Variants in ZC3H14 observed in about 807,000 individuals in gnomAD.
The protein encoded by ZC3H14 is zinc finger CCCH-type containing 14, also known as zinc finger CCCH domain-containing protein 14.
A neutral mutation model predicts 92.4 loss-of-function variants in ZC3H14; 31 were observed. That is an observed-to-expected ratio of 0.34 (90% CI 0.25 to 0.45). The LOEUF (loss-of-function observed/expected upper bound fraction) is 0.45. Ranked by LOEUF, ZC3H14 falls within the 20% of genes least tolerant of loss-of-function variation. ZC3H14 has a pLI of 1.00. For missense variants in ZC3H14, 781 were observed against 897.3 expected, an observed-to-expected ratio of 0.87 and a Z score of 1.66; for synonymous variants, 321 against 300.9, an observed-to-expected ratio of 1.07 and a Z score of -0.69.
chr14:88,621,143 C>A lies in ZC3H14; in HGVS notation c.*9392C>A, dbSNP rs1462641077. 6.2e-7 allele frequency: 1 copy of A among 1,613,874 alleles called. No individual in the cohort carries two copies. Among genetic ancestry groups the A allele is most frequent in the Admixed American group, 1.7e-5 (1 of 60,008 alleles). ...CAGCAATATCCCAAAGTCTCACTGT[C>A]CCATCTTCTGCAGCAGAAAGGAAAA... On this transcript the variant is annotated 3_prime_UTR_variant, in exon 17 of 17. Transcript: ENST00000251038.
chr14:88,563,383 T>C, intron 1 of ZC3H14: 1 of 1,438,566 alleles, frequency 7.0e-7, no homozygotes, highest in East Asian at 2.6e-5. Context: ...CGCCGGGAAA[T>C]GGAAGGACAG....
At chr14:88,575,116 T>C (rs2080989658) in intron 7 of ZC3H14, among the ~76,000 whole-genome samples, 1 of 152,140 alleles carries the variant, frequency 6.6e-6, no homozygotes, top group African/African-American at 2.4e-5. Context: ...TTTGTATTTT[T>C]AGTAGAGATG....
rs1427889294 is a variant in ZC3H14 at position 88,622,888 on chromosome 14, A to T, written c.*11137A>T. The T allele has an allele frequency of 6.4e-6, 3 of 468,240 alleles. No individual in the cohort carries two copies. The highest frequency in any genetic ancestry group is 4.1e-5 in the Admixed American group (1 of 24,484). The allele number at this position is 468,240 out of a possible 1,614,324, so 29.0% of individuals were successfully genotyped here. A position where few individuals can be genotyped will look rare whatever the true frequency, so the allele number is the denominator to read the frequency against. Reference sequence around the variant, plus strand: ...TTCTATGGCAATTTGAGGATATACTATATCTCAGTCAAAATAAACATCCAG... The same window carrying T: ...TTCTATGGCAATTTGAGGATATACTTTATCTCAGTCAAAATAAACATCCAG... On this transcript the variant is annotated 3_prime_UTR_variant, in exon 17 of 17. Coordinates refer to ENST00000251038, the MANE Select transcript of ZC3H14 (RefSeq NM_024824.5).
In ZC3H14 at chr14:88,610,882, CATCCCACCATTAAT is replaced by C; in HGVS notation, c.2147_2160del (p.His716ArgfsTer47). On this transcript the variant is annotated frameshift_variant, in exon 16 of 17. Transcript: ENST00000251038. LOFTEE classifies it high-confidence loss of function. ...TACAAGACCGGACTGCACATTCTACCATCCCACCATTAATGTCCCACCACGACATGCCTTGAAAT... is the reference window on the plus strand; with the variant it reads ...TACAAGACCGGACTGCACATTCTACCGTCCCACCACGACATGCCTTGAAAT... 6.2e-7 allele frequency: 1 copy of C among 1,614,118 alleles called. No homozygotes were observed. Among genetic ancestry groups the C allele is most frequent in the Non-Finnish European group, 8.5e-7 (1 of 1,180,014 alleles).
rs544549287 is a variant in ZC3H14, at chr14:88,615,043, A to C, written c.*3292A>C. 10 of 152,296 alleles carry C rather than the reference A, an allele frequency of 6.6e-5. No homozygotes were observed. Among genetic ancestry groups the C allele is most frequent in the African/African-American group, 1.9e-4 (8 of 41,564 alleles). The allele number at this position is 152,296 out of a possible 1,614,324, so 9.4% of individuals were successfully genotyped here. A position where few individuals can be genotyped will look rare whatever the true frequency, so the allele number is the denominator to read the frequency against. ...GCTCCCTAAAACCCTTACATTGTAC[A>C]CCATTGGGAATGATTGTTCATCATA... On this transcript the variant is annotated 3_prime_UTR_variant, in exon 17 of 17. Transcript: ENST00000251038.
At chr14:88,570,795 C>A (rs570973561) in intron 3 of ZC3H14, among the ~76,000 whole-genome samples, 95 of 152,166 alleles carry the variant, frequency 6.2e-4, no homozygotes, top group Non-Finnish European at 1.1e-3. Flanking sequence ...AAAGTTCATA[C>A]CATTTATTCA....
intron 9 of ZC3H14, among the ~76,000 whole-genome samples, chr14:88,580,064 A>G (rs777797266): frequency 7.9e-5 from 12 of 152,150 alleles, no homozygotes; most frequent in Admixed American, 2.0e-4. Flanking sequence ...TGGGCAAGGT[A>G]TACACCTGTA....
intron 10 of ZC3H14, among the ~76,000 whole-genome samples, chr14:88,599,282 A>G (rs1013327462): frequency 1.3e-5 from 2 of 152,302 alleles, no homozygotes; most frequent in Admixed American, 1.3e-4. Flanking sequence ...TTCAGCTTTT[A>G]CAGATCCCCT....
At chr14:88,605,417 C>T (rs1379248217) in intron 12 of ZC3H14, among the ~76,000 whole-genome samples, 1 of 152,148 alleles carries the variant, frequency 6.6e-6, no homozygotes, top group East Asian at 1.9e-4. Context: ...CTGCAGCCTC[C>T]ACCTCCCAGG....
intron 10 of ZC3H14, among the ~76,000 whole-genome samples, chr14:88,597,898 G>T (rs2084065438): frequency 6.6e-6 from 1 of 152,158 alleles, no homozygotes; most frequent in African/African-American, 2.4e-5. Flanking sequence ...AAGTAGTTCT[G>T]TGAGGCTTAT....
In ZC3H14 at chr14:88,610,889, C is replaced by A; in HGVS notation, c.2153C>A (p.Thr718Asn). The change falls in exon 16 of 17, where the codon ACC becomes AAC. Residue 718 changes from threonine (T) to asparagine (N), a missense_variant. Thr to Asn is a moderately conservative substitution (Grantham distance 65). Coordinates refer to ENST00000251038, the MANE Select transcript of ZC3H14 (RefSeq NM_024824.5). Reference sequence around the variant, plus strand: ...CCGGACTGCACATTCTACCATCCCACCATTAATGTCCCACCACGACATGCC... The same window carrying A: ...CCGGACTGCACATTCTACCATCCCAACATTAATGTCCCACCACGACATGCC... ...TRPDCTFYHPTINVPPRHALK... is the reference protein window; with the variant it reads ...TRPDCTFYHPNINVPPRHALK... The A allele has an allele frequency of 6.2e-7, 1 of 1,614,182 alleles. No individual in the cohort carries two copies. The highest frequency in any genetic ancestry group is 1.1e-5 in the South Asian group (1 of 91,078).
intron 12 of ZC3H14, among the ~76,000 whole-genome samples, chr14:88,605,849 T>C (rs965017224): frequency 2.0e-5 from 3 of 152,162 alleles, no homozygotes; most frequent in African/African-American, 7.2e-5. Flanking sequence ...GTTGCCTGTT[T>C]TGCATTTTTT....
Position 88,616,248 on chromosome 14 carries a change from AAAC to A in ZC3H14, c.*4500_*4502del. 1 of 1,613,648 alleles carries A rather than the reference AAAC, an allele frequency of 6.2e-7. No individual in the cohort carries two copies. Among genetic ancestry groups the A allele is most frequent in the South Asian group, 1.1e-5 (1 of 91,058 alleles). On this transcript the variant is annotated 3_prime_UTR_variant, in exon 17 of 17. Transcript: ENST00000251038. ...AAGAACCTTTTGTGTTTTGCCTAAAAAACAATGACAGACAAGCTCAGGGCATTT... is the reference window on the plus strand; with the variant it reads ...AAGAACCTTTTGTGTTTTGCCTAAAAAATGACAGACAAGCTCAGGGCATTT...
chr14:88,593,319 T>G (rs559978708), intron 9 of ZC3H14, among the ~76,000 whole-genome samples: 102 of 152,216 alleles, frequency 6.7e-4, no homozygotes, highest in Non-Finnish European at 1.1e-3. Flanking sequence ...GATCTATGGA[T>G]TCAACTCAAT....
At chr14:88,606,536 G>A (rs777484807) in intron 12 of ZC3H14, among the ~76,000 whole-genome samples, 7 of 152,064 alleles carry the variant, frequency 4.6e-5, no homozygotes, top group African/African-American at 7.2e-5. Context: ...TTGGGAGGCC[G>A]AGGTGGGTGG....
Position 88,618,527 on chromosome 14 carries a change from A to AG in ZC3H14, c.*6778dup. Reference sequence around the variant, plus strand: ...GAGGAAAGGGGAGCTGTAGGTCAGAAGGTACAAAGGGAGGAGTTGAGAAGC... The same window carrying AG: ...GAGGAAAGGGGAGCTGTAGGTCAGAAGGGTACAAAGGGAGGAGTTGAGAAGC... On this transcript the variant is annotated 3_prime_UTR_variant, in exon 17 of 17. Transcript: ENST00000251038. The AG allele has an allele frequency of 8.1e-7, 1 of 1,227,504 alleles. No homozygotes were observed. The allele number at this position is 1,227,504 out of a possible 1,614,324, so 76.0% of individuals were successfully genotyped here.
At chr14:88,608,915 T>C (rs1356502129) in intron 13 of ZC3H14, 5 of 282,726 alleles carry the variant, frequency 1.8e-5, no homozygotes, top group African/African-American at 1.1e-4. Flanking sequence ...ATGGGATGAG[T>C]CTTTTTGTAT....
At position 88,620,933 on chromosome 14, in the gene ZC3H14, TTAAA is replaced by T; in HGVS notation, c.*9183_*9186del. 3 of 1,429,314 alleles carry T rather than the reference TTAAA, an allele frequency of 2.1e-6. No homozygotes were observed. The highest frequency in any genetic ancestry group is 7.0e-5 in the Admixed American group (2 of 28,486). 88.5% of individuals were successfully genotyped at this position (1,429,314 alleles called of 1,614,324 possible). A position where few individuals can be genotyped will look rare whatever the true frequency, so the allele number is the denominator to read the frequency against. On this transcript the variant is annotated 3_prime_UTR_variant, in exon 17 of 17. Coordinates refer to ENST00000251038, the MANE Select transcript of ZC3H14 (RefSeq NM_024824.5). This position sits in a 1 kb window ranked among gnomAD's most constrained non-coding sequence, Gnocchi z 4.3. ...TCACTTTGTTTAACATCTTCTGCAT[TTAAA>T]AAAAAAAAAAAAAAGAGTCATAGGA...
rs751841866 is a variant in ZC3H14 at position 88,575,830 on chromosome 14, ACT to A, written c.1023-7_1023-6del. 5.0e-6 allele frequency: 8 copies of A among 1,606,444 alleles called. No homozygotes were observed. The highest frequency in any genetic ancestry group is 6.0e-6 in the Non-Finnish European group (7 of 1,173,630). The stretch of plus-strand genomic sequence containing the variant: ...AAGTTTAATAAAAATACCTTTCTTA[ACT>A]CTTTTAGACCTTCTCTTCCACCTTC... On this transcript the variant is annotated splice_region_variant and splice_polypyrimidine_tract_variant and intron_variant, in intron 7 of 16. Transcript: ENST00000251038.
Sources: gnomAD v4.1 joint callset for allele counts (sites outside exome capture counted in the v4.1 genomes callset) on GRCh38, gnomAD v4.1.1 for gene constraint, Gnocchi (gnomAD v3.1) non-coding constraint, MANE v1.5 for transcripts, NCBI Gene and HGNC (gene_info 2026-07-23, HGNC 2026-07-21) for gene names.